The following NLGN4Y variants were observed in gnomAD, a reference collection of about 807,000 sequenced individuals.
NLGN4Y encodes the protein neuroligin-4, Y-linked.
A neutral mutation model predicts 8.4 loss-of-function variants in NLGN4Y; 4 were observed. The ratio of observed to expected loss-of-function variants is 0.48; its 90% CI spans 0.23 to 1.09. The LOEUF (loss-of-function observed/expected upper bound fraction) is 1.09. Among genes scored for constraint, NLGN4Y ranks in the 50% least tolerant of loss-of-function variants. NLGN4Y has a pLI of 0.19. For synonymous variants in NLGN4Y, 35 were observed against 75.6 expected, an observed-to-expected ratio of 0.46 and a Z score of 2.78; for missense variants, 90 against 192.3, an observed-to-expected ratio of 0.47 and a Z score of 3.15.
intron 1 of NLGN4Y, among the ~76,000 whole-genome samples, chrY:14,618,941 A>T (rs2080499443): frequency 2.9e-5 from 1 of 34,082 alleles, no homozygotes; most frequent in African/African-American, 1.1e-4. Flanking sequence ...AAATTTCAAA[A>T]AATGAAGGAA....
intron 1 of NLGN4Y, among the ~76,000 whole-genome samples, chrY:14,537,237 G>T: frequency 3.0e-5 from 1 of 32,880 alleles, no homozygotes; most frequent in East Asian, 8.1e-4. Flanking sequence ...ATCCTGATTG[G>T]CTAGTGAAGA....
At chrY:14,660,637 A>G (rs2080671525) in intron 2 of NLGN4Y, among the ~76,000 whole-genome samples, 1 of 29,723 alleles carries the variant, frequency 3.4e-5, no homozygotes. Flanking sequence ...GGCTCAAGTG[A>G]TCAGCCCACC....
intron 1 of NLGN4Y, among the ~76,000 whole-genome samples, chrY:14,567,143 C>A (rs2150478375): frequency 3.1e-5 from 1 of 32,331 alleles, no homozygotes; most frequent in East Asian, 8.1e-4. Flanking sequence ...TGAATTTTGC[C>A]ATTTTATAAC....
At chrY:14,706,070 C>T (rs1038557970) in intron 2 of NLGN4Y, among the ~76,000 whole-genome samples, 1 of 33,115 alleles carries the variant, frequency 3.0e-5, no homozygotes, top group South Asian at 6.6e-4. Context: ...CTAATGAGTA[C>T]GGTATTAAAC....
At chrY:14,650,047 G>T (rs2080624078) in intron 2 of NLGN4Y, among the ~76,000 whole-genome samples, 1 of 33,611 alleles carries the variant, frequency 3.0e-5, no homozygotes, top group Admixed American at 2.7e-4. Context: ...CACATTCTCT[G>T]CTGATACTAT....
chrY:14,699,157 T>A (rs1392281999), intron 2 of NLGN4Y, among the ~76,000 whole-genome samples: 1 of 33,161 alleles, frequency 3.0e-5, no homozygotes, highest in Non-Finnish European at 7.5e-5. Flanking sequence ...TGTTGGGAAG[T>A]TACCTGTTAG....
chrY:14,610,729 C>T (rs530333089), intron 1 of NLGN4Y, among the ~76,000 whole-genome samples: 4 of 32,471 alleles, frequency 1.2e-4, no homozygotes, highest in African/African-American at 3.6e-4. Context: ...CTGCTTGGTC[C>T]GGAGCTGAGT....
At chrY:14,543,187 T>C (rs2080157027) in intron 1 of NLGN4Y, among the ~76,000 whole-genome samples, 1 of 33,837 alleles carries the variant, frequency 3.0e-5, no homozygotes, top group Non-Finnish European at 7.3e-5. Context: ...TTTATTTTAT[T>C]TAGCTGCAGA....
chrY:14,786,577 C>T, intron 4 of NLGN4Y, among the ~76,000 whole-genome samples: 1 of 32,937 alleles, frequency 3.0e-5, no homozygotes, highest in African/African-American at 1.2e-4. Flanking sequence ...CGTCCTTTAG[C>T]TCCCACTTAT....
Position 14,719,519 on chromosome Y carries a change from G to T in NLGN4Y, c.532+1G>T. ...AGTAATGACCATGGTGAAGATAAAG[G>T]TATTTTTTGTTTTTTCAAAGCTCAA... On this transcript the variant is annotated splice_donor_variant, in intron 3 of 6. Coordinates refer to ENST00000684976, the MANE Select transcript of NLGN4Y (RefSeq NM_001365588.1). LOFTEE classifies it high-confidence loss of function. 1 of 317,300 alleles carries T rather than the reference G, an allele frequency of 3.2e-6. No homozygotes were observed. Among genetic ancestry groups the T allele is most frequent in the Non-Finnish European group, 4.4e-6 (1 of 228,570 alleles). The allele number at this position is 317,300 out of a possible 400,897, so 79.1% of individuals were successfully genotyped here. A position where few individuals can be genotyped will look rare whatever the true frequency, so the allele number is the denominator to read the frequency against.
intron 4 of NLGN4Y, among the ~76,000 whole-genome samples, chrY:14,732,616 G>C: frequency 5.9e-5 from 2 of 33,967 alleles, no homozygotes; most frequent in Non-Finnish European, 1.5e-4. Context: ...TTTGTTTTAT[G>C]TTTTACAAAT....
At chrY:14,732,578 CT>C (rs2080976465) in intron 4 of NLGN4Y, among the ~76,000 whole-genome samples, 1 of 34,283 alleles carries the variant, frequency 2.9e-5, no homozygotes. Context: ...ACTGCTTTAT[CT>C]CACTTTTGTT....
intron 4 of NLGN4Y, among the ~76,000 whole-genome samples, chrY:14,795,708 G>A (rs897263717): frequency 1.8e-3 from 59 of 33,216 alleles, no homozygotes; most frequent in African/African-American, 6.4e-3. Context: ...GCTTTATTAC[G>A]TATTGATTTC....
chrY:14,584,062 T>A, intron 1 of NLGN4Y, among the ~76,000 whole-genome samples: 1 of 33,816 alleles, frequency 3.0e-5, no homozygotes, highest in East Asian at 7.7e-4. Context: ...ACAGGAAGAC[T>A]TGTCTCACCT....
chrY:14,794,467 G>A, intron 4 of NLGN4Y, among the ~76,000 whole-genome samples: 1 of 33,146 alleles, frequency 3.0e-5, no homozygotes, highest in Non-Finnish European at 7.5e-5. Context: ...TTCATTGAAT[G>A]GTATGTTTTT....
intron 1 of NLGN4Y, among the ~76,000 whole-genome samples, chrY:14,604,113 C>A (rs2080438458): frequency 9.1e-5 from 3 of 32,901 alleles, no homozygotes; most frequent in African/African-American, 3.6e-4. Context: ...GTGGATGCCA[C>A]GTGAATGGCA....
intron 4 of NLGN4Y, among the ~76,000 whole-genome samples, 178 bp from the exon 5 acceptor site, chrY:14,824,010 A>T: frequency 2.9e-5 from 1 of 33,911 alleles, no homozygotes. Flanking sequence ...AACAATAACT[A>T]TTATCTATGT....
At chrY:14,624,436 G>C (rs756646723) in intron 2 of NLGN4Y, among the ~76,000 whole-genome samples, 8 of 33,591 alleles carry the variant, frequency 2.4e-4, no homozygotes, top group Non-Finnish European at 5.2e-4. Flanking sequence ...ATTGTAATTT[G>C]GGGAGTATAA....
At chrY:14,653,701 C>A (rs573188480) in intron 2 of NLGN4Y, among the ~76,000 whole-genome samples, 54 of 33,422 alleles carry the variant, frequency 1.6e-3, no homozygotes, top group Non-Finnish European at 3.6e-3. Flanking sequence ...AGGCGCCCGC[C>A]ACCGTGCCTG....
Sources: allele counts gnomAD v4.1 joint callset (sites outside exome capture counted in the v4.1 genomes callset), GRCh38; gene constraint gnomAD v4.1.1; transcripts MANE v1.5; gene names NCBI Gene and HGNC (gene_info 2026-07-23, HGNC 2026-07-21).